The following ADRA1A variants were observed in gnomAD, a reference collection of about 807,000 sequenced individuals.
ADRA1A encodes the protein alpha-1A adrenergic receptor.
ADRA1A carries 31 observed loss-of-function variants against 29.6 expected under a neutral mutation model. That is an observed-to-expected ratio of 1.05 (90% CI 0.79 to 1.41). The LOEUF is 1.41. Ranked by LOEUF, ADRA1A falls within the 40% of genes most tolerant of loss-of-function variation. The probability of loss-of-function intolerance (pLI) is 0.00; values close to 1 mark genes in which losing one functional copy is unlikely to be tolerated. For missense variants in ADRA1A, 619 were observed against 601.1 expected (o/e 1.03, Z -0.31); for synonymous variants, 311 against 254.3 (o/e 1.22, Z -2.12).
At chr8:26,786,322 C>T (rs976486603) in intron 2 of ADRA1A, among the ~76,000 whole-genome samples, 1 of 151,546 alleles carries the variant, frequency 6.6e-6, no homozygotes, top group Non-Finnish European at 1.5e-5. Context: ...GCAACCTTCG[C>T]CTCCCAGGCT....
intron 2 of ADRA1A, among the ~76,000 whole-genome samples, chr8:26,824,976 T>A (rs1290057728): frequency 1.3e-5 from 2 of 152,212 alleles, no homozygotes; most frequent in Non-Finnish European, 2.9e-5. Context: ...GATTGAACAT[T>A]GGATTTTGAT....
In ADRA1A at chr8:26,848,346, G is replaced by A. The variant is rs767133824; in HGVS notation, c.883+15741C>T. 6.6e-6 allele frequency among the ~76,000 whole-genome samples: 1 copy of A among 152,224 alleles called. No individual in the cohort carries two copies. Among genetic ancestry groups the A allele is most frequent in the South Asian group, 2.1e-4 (1 of 4,832 alleles). Reference sequence around the variant, plus strand: ...ACCACCAGTGTGATGGTGTTAGGAGGTGGGGCCTTTGGGAGGTGATTAGGA... The same window carrying A: ...ACCACCAGTGTGATGGTGTTAGGAGATGGGGCCTTTGGGAGGTGATTAGGA... On this transcript the variant is annotated intron_variant, in intron 2 of 2. Transcript: ENST00000380573. This position sits in a 1 kb window ranked among gnomAD's most constrained non-coding sequence, Gnocchi z 4.3.
downstream of ADRA1A, among the ~76,000 whole-genome samples, chr8:26,752,654 T>A (rs1157979666): frequency 6.6e-6 from 1 of 152,184 alleles, no homozygotes; most frequent in Non-Finnish European, 1.5e-5. Context: ...CCTAAATAAT[T>A]TCTTTTTAGC....
intron 2 of ADRA1A, among the ~76,000 whole-genome samples, chr8:26,794,868 T>A (rs577046043): frequency 3.3e-5 from 5 of 152,052 alleles, no homozygotes; most frequent in Non-Finnish European, 7.4e-5. Flanking sequence ...TAATGAACAA[T>A]GTTCTAGAAG....
chr8:26,826,909 T>C, intron 2 of ADRA1A, among the ~76,000 whole-genome samples: 1 of 152,222 alleles, frequency 6.6e-6, no homozygotes, highest in Admixed American at 6.5e-5. Flanking sequence ...TCAATTACTA[T>C]AGCATTCTTC....
chr8:26,811,988 A>T (rs1231597071), intron 2 of ADRA1A, among the ~76,000 whole-genome samples: 1 of 152,242 alleles, frequency 6.6e-6, no homozygotes, highest in Non-Finnish European at 1.5e-5. Flanking sequence ...GGAATAGGTA[A>T]ATATTACAAA....
intron 2 of ADRA1A, among the ~76,000 whole-genome samples, chr8:26,782,545 A>T (rs184642007): frequency 2.4e-4 from 36 of 152,314 alleles, no homozygotes; most frequent in African/African-American, 7.7e-4. Flanking sequence ...TAAATGTCAC[A>T]TTTAGAAATC....
Position 26,760,022 on chromosome 8 carries a change from G to T in ADRA1A, c.1270-3243C>A, listed in dbSNP as rs569229677. On this transcript the variant is annotated intron_variant, in intron 2 of 2. Coordinates refer to the ADRA1A transcript ENST00000380582. ...TTGCAACCTGAGAGTCCCCAGGGAG[G>T]AAGGAGGTGGATAGGAGGCCACAGC... 1.2e-3 allele frequency among the ~76,000 whole-genome samples: 185 copies of T among 152,310 alleles called. 2 individuals carry two copies. The highest frequency in any genetic ancestry group is 4.2e-3 in the African/African-American group (176 of 41,578).
At chr8:26,833,092 C>T (rs77375127) in intron 2 of ADRA1A, among the ~76,000 whole-genome samples, 14,977 of 152,114 alleles carry the variant, frequency 0.098, 791 homozygotes, top group Middle Eastern at 0.15. Flanking sequence ...GTGTGGAAAT[C>T]GATAAAGGAT....
chr8:26,783,255 G>C (rs1022422642), intron 2 of ADRA1A, among the ~76,000 whole-genome samples: 2 of 152,114 alleles, frequency 1.3e-5, no homozygotes, highest in Non-Finnish European at 2.9e-5. Flanking sequence ...AATTCACTTG[G>C]CTGGATAAGT....
intron 2 of ADRA1A, chr8:26,836,162 C>A: frequency 4.2e-6 from 1 of 239,920 alleles, no homozygotes; most frequent in South Asian, 7.9e-5. Context: ...AGTTCCTAGT[C>A]TGGTTGGGGA....
At chr8:26,845,545 G>A (rs112563261) in intron 2 of ADRA1A, among the ~76,000 whole-genome samples, 6 of 152,224 alleles carry the variant, frequency 3.9e-5, no homozygotes, top group African/African-American at 1.2e-4. Flanking sequence ...TTAGCTAAAC[G>A]TAGAAGTTCC....
At chr8:26,766,269 G>C, downstream of ADRA1A, 1 of 739,968 alleles carries the variant, frequency 1.4e-6, no homozygotes, top group Non-Finnish European at 2.3e-6. Context: ...ACTGTGGTTG[G>C]TCATCAATAA....
chr8:26,776,280 G>A (rs12543356), intron 2 of ADRA1A, among the ~76,000 whole-genome samples: 42,306 of 152,136 alleles, frequency 0.28, 7,244 homozygotes, highest in East Asian at 0.8. Context: ...CTCTCAGAAT[G>A]AGGGTGACTT....
In ADRA1A at chr8:26,775,426, A is replaced by C. The variant is rs1162487363; in HGVS notation, c.884-4760T>G. On this transcript the variant is annotated intron_variant, in intron 2 of 2. Transcript: ENST00000380573. This position sits in a 1 kb window ranked among gnomAD's most constrained non-coding sequence, Gnocchi z 4.1. The stretch of plus-strand genomic sequence containing the variant: ...TTTACTACCATTTTTTCCTTGCTCT[A>C]TCATCTGGCATCAGACCCTCTAGTT... 6.6e-6 allele frequency among the ~76,000 whole-genome samples: 1 copy of C among 151,776 alleles called. No individual in the cohort carries two copies. The highest frequency in any genetic ancestry group is 1.9e-4 in the East Asian group (1 of 5,182).
rs540441015 is a variant in ADRA1A at position 26,789,522 on chromosome 8, T to A, written c.884-18856A>T. Among the ~76,000 whole-genome samples, 8 of 152,132 alleles carry A rather than the reference T, an allele frequency of 5.3e-5. No homozygotes were observed. In the South Asian group the frequency reaches 1.7e-3, roughly 32 times the overall value. On this transcript the variant is annotated intron_variant, in intron 2 of 2. Coordinates refer to ENST00000380573, the MANE Select transcript of ADRA1A (RefSeq NM_000680.4). ...TTATATAAAAATTCACCAAAACAGTTTCAAAACTTAAATGTAAGACCAAAA... is the reference window on the plus strand; with the variant it reads ...TTATATAAAAATTCACCAAAACAGTATCAAAACTTAAATGTAAGACCAAAA...
chr8:26,835,443 G>C (rs749309056), intron 2 of ADRA1A, among the ~76,000 whole-genome samples: 1 of 152,148 alleles, frequency 6.6e-6, no homozygotes, highest in Admixed American at 6.5e-5. Flanking sequence ...CCGTAGAGCT[G>C]GGGAGGCCTC....
At position 26,769,912 on chromosome 8, in the gene ADRA1A, C is replaced by T. The variant is rs1471796764; in HGVS notation, c.*237G>A. 6 of 1,260,974 alleles carry T rather than the reference C, an allele frequency of 4.8e-6. No homozygotes were observed. In the African/African-American group the frequency reaches 7.6e-5, roughly 16 times the overall value. 78.1% of individuals were successfully genotyped at this position (1,260,974 alleles called of 1,614,324 possible). ...AGTGGGCACAGAGTGACCAAGAAAG[C>T]ATTAGCTGCAGGGAAATGCTGTTCC... On this transcript the variant is annotated 3_prime_UTR_variant, in exon 3 of 3. Transcript: ENST00000380573.
At chr8:26,859,254 G>A in intron 2 of ADRA1A, 1 of 1,180,960 alleles carries the variant, frequency 8.5e-7, no homozygotes, top group Non-Finnish European at 1.1e-6. Flanking sequence ...CTCACATTTT[G>A]CATGAAAAAC....
Sources: gnomAD v4.1 joint callset for allele counts (sites outside exome capture counted in the v4.1 genomes callset) on GRCh38, gnomAD v4.1.1 for gene constraint, Gnocchi (gnomAD v3.1) non-coding constraint, MANE v1.5 for transcripts, NCBI Gene and HGNC (gene_info 2026-07-23, HGNC 2026-07-21) for gene names.